The following TG variants were observed in gnomAD, a reference collection of about 807,000 sequenced individuals.
TG encodes the protein thyroid hormones.
In TG, 270 loss-of-function variants were observed where a neutral mutation model predicts 324.7. The observed-to-expected ratio is 0.83, with a 90% confidence interval of 0.75 to 0.92. The LOEUF (loss-of-function observed/expected upper bound fraction) is 0.92, where lower values mean the gene tolerates loss of function less well. Ranked by LOEUF, TG falls within the 40% of genes least tolerant of loss-of-function variation. TG has a pLI of 0.00. For missense variants in TG, 3,591 were observed against 3,456.4 expected, an observed-to-expected ratio of 1.04 and a Z score of -0.98; for synonymous variants, 1,401 against 1,327.0, an observed-to-expected ratio of 1.06 and a Z score of -1.21.
intron 35 of TG, among the ~76,000 whole-genome samples, chr8:132,994,393 C>G (rs544431916): frequency 6.6e-6 from 1 of 152,240 alleles, no homozygotes; most frequent in East Asian, 1.9e-4. Context: ...AAAACTTTTG[C>G]CAAACACGCG....
chr8:132,987,721 G>GGC (rs1554690454), intron 35 of TG, among the ~76,000 whole-genome samples: 3 of 149,770 alleles, frequency 2.0e-5, no homozygotes, highest in Admixed American at 1.3e-4. Flanking sequence ...GTGTGTGTGT[G>GGC]GTGTGTGTGT....
At position 132,913,273 on chromosome 8, in the gene TG, C is replaced by T; in HGVS notation, c.4378+8C>T. 1.2e-6 allele frequency: 2 copies of T among 1,613,398 alleles called. No homozygotes were observed. Among genetic ancestry groups the T allele is most frequent in the East Asian group, 2.2e-5 (1 of 44,888 alleles). On this transcript the variant is annotated splice_region_variant and intron_variant, in intron 20 of 47. Transcript: ENST00000220616. ...AGGACGGACTGGGATGCGGTAGGTC[C>T]ACTCTCTCCCTGGATATCTCCTGTG...
At position 132,888,131 on chromosome 8, in the gene TG, A is replaced by C. The variant is rs1412654193; in HGVS notation, c.2324A>C (p.Asn775Thr). The change falls in exon 10 of 48, where the codon AAT becomes ACT. Residue 775 changes from asparagine (N) to threonine (T), a missense_variant. By Grantham distance (65) the Asn-to-Thr change is moderately conservative (BLOSUM62 0). Transcript: ENST00000220616. ...GGGCAGTGGAGACAAGTGCAATGCA[A>C]TGGGCCTCCTGAGCAGGTCTTCGAG... ...TDGQWRQVQC[N>T]GPPEQVFELY... 6.2e-7 allele frequency: 1 copy of C among 1,614,134 alleles called. No homozygotes were observed. The highest frequency in any genetic ancestry group is 2.2e-5 in the East Asian group (1 of 44,880).
chr8:132,954,501 T>C (rs947256565), intron 27 of TG, among the ~76,000 whole-genome samples: 1 of 152,116 alleles, frequency 6.6e-6, no homozygotes. Context: ...ATTCCCTGGA[T>C]CAGTGCAAAA....
intron 20 of TG, among the ~76,000 whole-genome samples, chr8:132,918,188 A>G (rs1413126224): frequency 1.3e-5 from 2 of 152,150 alleles, no homozygotes; most frequent in African/African-American, 4.8e-5. Context: ...TTCCCTGAGC[A>G]CAGACAAGAG....
At chr8:132,915,306 C>T (rs933146938) in intron 20 of TG, among the ~76,000 whole-genome samples, 6 of 152,192 alleles carry the variant, frequency 3.9e-5, no homozygotes, top group Non-Finnish European at 5.9e-5. Context: ...GTTCTATCTC[C>T]TCTGACTGTC....
At chr8:132,921,531 G>A (rs1457217701) in intron 21 of TG, among the ~76,000 whole-genome samples, 2 of 152,228 alleles carry the variant, frequency 1.3e-5, no homozygotes, top group South Asian at 4.1e-4. Flanking sequence ...GAATTGTACT[G>A]AAGAGAAGCA....
In TG at chr8:132,887,435, C is replaced by G; in HGVS notation, c.2063C>G (p.Thr688Ser). The G allele has an allele frequency of 6.2e-7, 1 of 1,614,198 alleles. No individual in the cohort carries two copies. Among genetic ancestry groups the G allele is most frequent in the South Asian group, 1.1e-5 (1 of 91,086 alleles). Residue 688 changes from threonine to serine, a missense_variant, in exon 9 of 48, where the codon ACT becomes AGT. Coordinates refer to ENST00000220616, the MANE Select transcript of TG (RefSeq NM_003235.5). The part of the protein sequence containing the change: ...AGSTLFVPAC[T>S]SEGHFLPVQC... ...TCCACCTTGTTTGTCCCTGCTTGTA[C>G]TAGTGAGGGACATTTCCTGCCTGTC...
At chr8:133,013,529 G>T in intron 36 of TG, 71 bp from the exon 37 acceptor site, 2 of 1,585,640 alleles carry the variant, frequency 1.3e-6, no homozygotes, top group South Asian at 2.2e-5. Flanking sequence ...TTGGATGGAT[G>T]ACTGGAAGAA....
At position 132,980,268 on chromosome 8, in the gene TG, C is replaced by G. The variant is rs1830660425; in HGVS notation, c.6200-3082C>G. On this transcript the variant is annotated intron_variant, in intron 34 of 47. Coordinates refer to ENST00000220616, the MANE Select transcript of TG (RefSeq NM_003235.5). ...AGATTGAAACTCTCAGTCCCCCTCC[C>G]CTATCTCCAAGAAGAAGAGAACAGC... Among the ~76,000 whole-genome samples the G allele has an allele frequency of 3.9e-5, 6 of 152,202 alleles. No homozygotes were observed. The South Asian group carries it at 1.2e-3, about 32-fold the overall frequency.
At chr8:133,060,341 G>C (rs1842194332) in intron 41 of TG, 1 of 1,545,850 alleles carries the variant, frequency 6.5e-7, no homozygotes, top group Non-Finnish European at 8.7e-7. Context: ...GTGAAGATGA[G>C]ATTGGTGAAG....
chr8:132,923,267 GAGCCTGGGAGT>G (rs1423587901), intron 21 of TG, 60 bp from the exon 22 acceptor site: 2 of 1,559,058 alleles, frequency 1.3e-6, no homozygotes, highest in Non-Finnish European at 1.8e-6. Context: ...CAATGACCGA[GAGCCTGGGAGT>G]AGGAGTCAGG....
intron 34 of TG, among the ~76,000 whole-genome samples, chr8:132,976,639 G>A (rs953379693): frequency 6.6e-6 from 1 of 152,192 alleles, no homozygotes; most frequent in Non-Finnish European, 1.5e-5. Context: ...AAGAAAAAGT[G>A]CTACAATGTC....
At chr8:133,076,649 CACTT>C (rs1165815837) in intron 41 of TG, 2 of 151,272 alleles carry the variant, frequency 1.3e-5, no homozygotes, top group Admixed American at 6.6e-5. Context: ...TTTTAATAGA[CACTT>C]ACCAAGAAAG....
intron 41 of TG, among the ~76,000 whole-genome samples, chr8:133,030,815 G>T (rs1836567577): frequency 6.6e-6 from 1 of 152,212 alleles, no homozygotes; most frequent in Non-Finnish European, 1.5e-5. Flanking sequence ...CTGAATGCTG[G>T]GTAGGCATTT....
chr8:132,983,305 C>G (rs1401713412), intron 34 of TG, 45 bp from the exon 35 acceptor site: 1 of 1,593,920 alleles, frequency 6.3e-7, no homozygotes, highest in Non-Finnish European at 8.6e-7. Flanking sequence ...CTCGATGATA[C>G]CATGGGGGTA....
chr8:133,094,840 G>A (rs886108128), intron 41 of TG: 7 of 685,564 alleles, frequency 1.0e-5, no homozygotes, highest in African/African-American at 8.8e-5. Context: ...CTGAGGCCTA[G>A]AGAGACATCT....
At chr8:133,104,741 G>A (rs914851597) in intron 43 of TG, among the ~76,000 whole-genome samples, 22 of 152,182 alleles carry the variant, frequency 1.4e-4, no homozygotes, top group African/African-American at 4.8e-4. Context: ...GTAACGGGAA[G>A]GAAAGGCTGA....
chr8:132,872,477 C>CA (rs11359047), intron 4 of TG, among the ~76,000 whole-genome samples: 4,178 of 72,086 alleles, frequency 0.058, 146 homozygotes, highest in East Asian at 0.084. Flanking sequence ...GACTCCGTCT[C>CA]AAAAAAAAAA....
Sources: allele counts gnomAD v4.1 joint callset (sites outside exome capture counted in the v4.1 genomes callset), GRCh38; gene constraint gnomAD v4.1.1; transcripts MANE v1.5; gene names NCBI Gene and HGNC (gene_info 2026-07-23, HGNC 2026-07-21).